DOCK4: variants seen among roughly 807,000 people sequenced by gnomAD.
DOCK4 encodes the protein dedicator of cytokinesis protein 4.
DOCK4 carries 97 observed loss-of-function variants against 268.1 expected under a neutral mutation model. The ratio of observed to expected loss-of-function variants is 0.36; its 90% CI spans 0.31 to 0.43. DOCK4 has a LOEUF of 0.43. Ranked by LOEUF, DOCK4 falls within the 20% of genes least tolerant of loss-of-function variation. DOCK4 has a pLI of 1.00. For synonymous variants in DOCK4, 954 were observed against 887.2 expected (o/e 1.08, Z -1.34); for missense variants, 2,145 against 2,455.7 (o/e 0.87, Z 2.67).
chr7:111,802,494 G>A (rs1323010443), intron 30 of DOCK4, among the ~76,000 whole-genome samples: 1 of 152,172 alleles, frequency 6.6e-6, no homozygotes, highest in Non-Finnish European at 1.5e-5. Context: ...GGATGGAAGA[G>A]AGAGGGAATA....
intron 1 of DOCK4, among the ~76,000 whole-genome samples, chr7:112,101,510 A>T (rs1185862901): frequency 6.6e-6 from 1 of 152,240 alleles, no homozygotes; most frequent in Non-Finnish European, 1.5e-5. Flanking sequence ...TAGAAAAGTC[A>T]TGACCCAGTG....
chr7:111,930,095 A>G (rs1794075646), intron 12 of DOCK4, among the ~76,000 whole-genome samples: 1 of 152,226 alleles, frequency 6.6e-6, no homozygotes, highest in Non-Finnish European at 1.5e-5. Context: ...ACATTAATGA[A>G]TACTTTTAGA....
chr7:112,048,407 A>AAAAAAAAT (rs1805033493), intron 1 of DOCK4, among the ~76,000 whole-genome samples: 1 of 144,082 alleles, frequency 6.9e-6, no homozygotes, highest in Non-Finnish European at 1.5e-5. Flanking sequence ...AAAAAAAAAA[A>AAAAAAAAT]AAAAAATTAA....
chr7:111,946,248 T>C (rs555472270), intron 8 of DOCK4, among the ~76,000 whole-genome samples: 1 of 152,352 alleles, frequency 6.6e-6, no homozygotes, highest in East Asian at 1.9e-4. Flanking sequence ...TTTTATGGTC[T>C]TATAAGTCTC....
chr7:111,783,968 C>A lies in DOCK4; in HGVS notation c.3429-16G>T, dbSNP rs370637183. ...CTTTAGTAGACTGGAAAAGAAAGAACCCGGGGCATTTTCAACATTTATTTT... is the reference window on the plus strand; with the variant it reads ...CTTTAGTAGACTGGAAAAGAAAGAAACCGGGGCATTTTCAACATTTATTTT... On this transcript the variant is annotated splice_polypyrimidine_tract_variant and intron_variant, in intron 33 of 52. Coordinates refer to ENST00000428084, the MANE Select transcript of DOCK4 (RefSeq NM_001363540.2). The A allele has an allele frequency of 6.3e-7, 1 of 1,586,672 alleles. No individual in the cohort carries two copies. The highest frequency in any genetic ancestry group is 8.6e-7 in the Non-Finnish European group (1 of 1,165,470).
At chr7:112,061,784 C>CACAT (rs3220718) in intron 1 of DOCK4, among the ~76,000 whole-genome samples, 1 of 147,606 alleles carries the variant, frequency 6.8e-6, no homozygotes, top group Non-Finnish European at 1.5e-5. Context: ...CACACACACA[C>CACAT]GATGTACATG....
At chr7:111,858,092 T>C (rs1805160479) in intron 23 of DOCK4, among the ~76,000 whole-genome samples, 1 of 152,208 alleles carries the variant, frequency 6.6e-6, no homozygotes, top group Non-Finnish European at 1.5e-5. Flanking sequence ...TCCTCCTGCC[T>C]GCTCTGTCCA....
At chr7:112,077,049 G>C (rs1808132567) in intron 1 of DOCK4, among the ~76,000 whole-genome samples, 1 of 152,062 alleles carries the variant, frequency 6.6e-6, no homozygotes, top group Admixed American at 6.6e-5. Flanking sequence ...ATGGGAAACA[G>C]GGAGAGAAAA....
rs539595688 is a variant in DOCK4, at chr7:111,856,193, T to G, written c.2473+7179A>C. Among the ~76,000 whole-genome samples the G allele has an allele frequency of 3.2e-4, 48 of 152,316 alleles. 1 individual carries two copies. In the South Asian group the frequency reaches 8.9e-3, roughly 28 times the overall value. ...AATGAAATGATACAGGTGTCACCCT[T>G]TCCCCAGTAATGTGCTTGTTATACT... On this transcript the variant is annotated intron_variant, in intron 23 of 52. Transcript: ENST00000428084.
intron 2 of DOCK4, among the ~76,000 whole-genome samples, chr7:112,002,378 G>C (rs1473191529): frequency 6.6e-6 from 1 of 152,128 alleles, no homozygotes; most frequent in Non-Finnish European, 1.5e-5. Flanking sequence ...AAAAGTCTTA[G>C]ATTACAAAAC....
chr7:112,108,735 A>G (rs1197512567), intron 1 of DOCK4, among the ~76,000 whole-genome samples: 1 of 152,238 alleles, frequency 6.6e-6, no homozygotes, highest in Non-Finnish European at 1.5e-5. Context: ...CATCCTTTCT[A>G]TTTATCAAAG....
At chr7:112,001,071 C>T (rs1800387062) in intron 2 of DOCK4, among the ~76,000 whole-genome samples, 1 of 152,180 alleles carries the variant, frequency 6.6e-6, no homozygotes, top group Admixed American at 6.5e-5. Context: ...GGGTTAAGAT[C>T]AGTCTCATAT....
chr7:111,801,275 G>A (rs915978042), intron 30 of DOCK4, among the ~76,000 whole-genome samples: 32 of 152,196 alleles, frequency 2.1e-4, no homozygotes, highest in Admixed American at 6.5e-4. Context: ...ATCAAACATC[G>A]CCTCCTTCAG....
At chr7:112,157,315 C>T (rs1472429837) in intron 1 of DOCK4, among the ~76,000 whole-genome samples, 1 of 152,078 alleles carries the variant, frequency 6.6e-6, no homozygotes, top group Non-Finnish European at 1.5e-5. Flanking sequence ...CACCTTGTAG[C>T]GGCCATGGGA....
At chr7:111,870,717 C>T (rs995752995) in intron 20 of DOCK4, among the ~76,000 whole-genome samples, 3 of 152,098 alleles carry the variant, frequency 2.0e-5, no homozygotes, top group Non-Finnish European at 4.4e-5. Flanking sequence ...TGGTGGAGTG[C>T]TATTTTTTAA....
At chr7:112,122,773 TTTAA>T (rs1481674455) in intron 1 of DOCK4, among the ~76,000 whole-genome samples, 1 of 152,258 alleles carries the variant, frequency 6.6e-6, no homozygotes, top group Non-Finnish European at 1.5e-5. Flanking sequence ...TTTTGTCTGC[TTTAA>T]TTAATTTTAG....
intron 12 of DOCK4, among the ~76,000 whole-genome samples, chr7:111,931,647 A>AT (rs1427024827): frequency 9.2e-5 from 14 of 152,226 alleles, no homozygotes; most frequent in African/African-American, 3.4e-4. Context: ...ATGATCCAAC[A>AT]TATCAATAAT....
intron 17 of DOCK4, among the ~76,000 whole-genome samples, chr7:111,875,470 C>A (rs1023516596): frequency 2.6e-5 from 4 of 152,158 alleles, no homozygotes; most frequent in African/African-American, 9.7e-5. Flanking sequence ...GAATAATGGC[C>A]TCAAGAACCT....
intron 8 of DOCK4, among the ~76,000 whole-genome samples, chr7:111,969,384 C>G (rs73717920): frequency 0.26 from 37,118 of 142,504 alleles, 6,145 homozygotes; most frequent in African/African-American, 0.48. Context: ...CACCAGATAT[C>G]TCCTTTGCAT....
Sources: gnomAD v4.1 joint callset for allele counts (sites outside exome capture counted in the v4.1 genomes callset) on GRCh38, gnomAD v4.1.1 for gene constraint, MANE v1.5 for transcripts, NCBI Gene and HGNC (gene_info 2026-07-23, HGNC 2026-07-21) for gene names.